MZT2B: variants seen among roughly 807,000 people sequenced by gnomAD.
The protein encoded by MZT2B is mitotic spindle organizing protein 2B.
A neutral mutation model predicts 12.1 loss-of-function variants in MZT2B; 11 were observed. The observed-to-expected ratio is 0.91, with a 90% confidence interval of 0.57 to 1.50. The LOEUF (loss-of-function observed/expected upper bound fraction) is 1.50. Ranked by LOEUF, MZT2B falls within the 40% of genes most tolerant of loss-of-function variation. The pLI, the probability that MZT2B is intolerant of heterozygous loss-of-function variation, is 0.00. For missense variants in MZT2B, 209 were observed against 227.7 expected (o/e 0.92, Z 0.53); for synonymous variants, 85 against 109.5 (o/e 0.78, Z 1.40).
At chr2:130,194,054 G>T (rs749780020), downstream of MZT2B, 39 of 1,614,214 alleles carry the variant, frequency 2.4e-5, no homozygotes, top group East Asian at 6.5e-4. Context: ...GTGGATGCGG[G>T]GGTACGGCAC....
chr2:130,182,588 G>C (rs779029916), intron 1 of MZT2B, 39 bp from the exon 2 acceptor site: 15 of 1,559,066 alleles, frequency 9.6e-6, no homozygotes, highest in Middle Eastern at 2.2e-4. Flanking sequence ...GCCGCGCCGG[G>C]CGGAGAGGGC....
Position 130,182,464 on chromosome 2 carries a change from G to A in MZT2B, c.170+12G>A. On this transcript the variant is annotated intron_variant, in intron 1 of 2. Transcript: ENST00000281871. The stretch of plus-strand genomic sequence containing the variant: ...CCCGACGTGTTCAAGTGAGCGGGGC[G>A]GGTGGGGGCCGCATGCTAGCCAGAC... 1 of 1,546,924 alleles carries A rather than the reference G, an allele frequency of 6.5e-7. No individual in the cohort carries two copies. The highest frequency in any genetic ancestry group is 8.7e-7 in the Non-Finnish European group (1 of 1,146,552).
downstream of MZT2B, among the ~76,000 whole-genome samples, chr2:130,194,734 G>C: frequency 6.6e-6 from 1 of 152,194 alleles, no homozygotes; most frequent in East Asian, 1.9e-4. Context: ...TTAGAGTGCA[G>C]TGGTGCAATC....
At chr2:130,193,525 C>G (rs62165072), downstream of MZT2B, among the ~76,000 whole-genome samples, 515 of 149,938 alleles carry the variant, frequency 3.4e-3, 19 homozygotes, top group East Asian at 0.086. Context: ...CAGAGAATTG[C>G]TTGAACCCGG....
chr2:130,184,646 G>C, intron 2 of MZT2B: 1 of 985,378 alleles, frequency 1.0e-6, no homozygotes, highest in Non-Finnish European at 1.2e-6. Flanking sequence ...CTGAGGGACA[G>C]GCCTGGAGTA....
At chr2:130,195,222 C>T (rs778282287), downstream of MZT2B, 8 of 1,613,878 alleles carry the variant, frequency 5.0e-6, no homozygotes, top group Admixed American at 3.3e-5. Context: ...CCTGTGCGCA[C>T]TTCATCTGCA....
the MZT2B span, among the ~76,000 whole-genome samples, chr2:130,197,603 G>A: frequency 7.9e-6 from 1 of 127,280 alleles, no homozygotes. Context: ...TTATGTTAAT[G>A]GGCTGCTTTT....
upstream of MZT2B, chr2:130,182,006 C>T (rs1392466223): frequency 3.6e-6 from 5 of 1,371,064 alleles, no homozygotes; most frequent in African/African-American, 1.5e-5. Flanking sequence ...GCGAGCACGA[C>T]CAATGCAGTC....
At chr2:130,193,103 A>C (rs1180150556), downstream of MZT2B, among the ~76,000 whole-genome samples, 1 of 151,572 alleles carries the variant, frequency 6.6e-6, no homozygotes, top group African/African-American at 2.4e-5. Context: ...AAAAAAAAAA[A>C]AATTACCCGG....
the MZT2B span, among the ~76,000 whole-genome samples, chr2:130,203,171 G>A: frequency 6.0e-5 from 9 of 151,108 alleles, no homozygotes; most frequent in Non-Finnish European, 1.3e-4. Context: ...GAAGTCCTTG[G>A]ACCTGTAGTT....
chr2:130,193,921 A>G (rs750377052), downstream of MZT2B: 64 of 1,614,096 alleles, frequency 4.0e-5, no homozygotes, highest in Non-Finnish European at 4.4e-5. Flanking sequence ...TGCCATGGCG[A>G]GGGTCACACT....
rs1043059 is a variant in MZT2B, at chr2:130,190,502, C to T, written c.353C>T (p.Ala118Val). The T allele has an allele frequency of 5.1e-5, 82 of 1,613,664 alleles. No homozygotes were observed. The highest frequency in any genetic ancestry group is 6.4e-5 in the Non-Finnish European group (75 of 1,179,954). ...RNKGSAALGG[A>V]LALAERSSRE... ...AAAGGCAGCGCTGCCCTCGGGGGAG[C>T]ATTGGCCCTGGCGGAACGCAGCAGC... Residue 118 changes from alanine (A) to valine (V), a missense_variant, in exon 3 of 3, where the codon GCA becomes GTA. Coordinates refer to ENST00000281871, the MANE Select transcript of MZT2B (RefSeq NM_025029.5).
At position 130,190,585 on chromosome 2, in the gene MZT2B, G is replaced by A. The variant is rs12408; in HGVS notation, c.436G>A (p.Gly146Arg). The change falls in exon 3 of 3, where the codon GGG becomes AGG. Residue 146 changes from glycine to arginine, a missense_variant. By Grantham distance (125) the Gly-to-Arg change is moderately radical. Coordinates refer to ENST00000281871, the MANE Select transcript of MZT2B (RefSeq NM_025029.5). ...GCCCAGCGCTACCAGGCTGCCCAAG[G>A]GGGGCGGGCCTGGGAAGAGCCCTAC... is the stretch of plus-strand genomic sequence containing the variant. ...RQPSATRLPK[G>R]GGPGKSPTRG... The A allele has an allele frequency of 6.2e-7, 1 of 1,613,322 alleles. No homozygotes were observed. Among genetic ancestry groups the A allele is most frequent in the Non-Finnish European group, 8.5e-7 (1 of 1,179,652 alleles).
intron 2 of MZT2B, chr2:130,184,674 G>A: frequency 2.0e-6 from 2 of 985,432 alleles, no homozygotes; most frequent in Non-Finnish European, 2.4e-6. Context: ...ATGCACTGCA[G>A]GCTGAGATGA....
At chr2:130,196,822 C>A in the MZT2B span, among the ~76,000 whole-genome samples, 1 of 152,176 alleles carries the variant, frequency 6.6e-6, no homozygotes, top group African/African-American at 2.4e-5. Context: ...CTCTCTCTGC[C>A]CCCCAGTTCT....
chr2:130,193,991 T>C, downstream of MZT2B: 1 of 1,614,102 alleles, frequency 6.2e-7, no homozygotes, highest in Non-Finnish European at 8.5e-7. Flanking sequence ...AGACAGCTGC[T>C]CGTGGTAGGC....
At chr2:130,194,391 A>C, downstream of MZT2B, 1 of 1,612,870 alleles carries the variant, frequency 6.2e-7, no homozygotes, top group African/African-American at 1.3e-5. Context: ...ATGAGCAGAG[A>C]TGCGAACCCA....
At chr2:130,197,430 G>A in the MZT2B span, among the ~76,000 whole-genome samples, 1 of 109,218 alleles carries the variant, frequency 9.2e-6, no homozygotes, top group South Asian at 3.2e-4. Flanking sequence ...AAGGCTGCAG[G>A]GAGCCGTGAT....
upstream of MZT2B, chr2:130,181,700 G>T (rs987926304): frequency 2.6e-6 from 4 of 1,548,526 alleles, no homozygotes; most frequent in East Asian, 9.8e-5. Flanking sequence ...AGCGAAGGCC[G>T]GCCGGGCGGG....
Sources: allele counts gnomAD v4.1 joint callset (sites outside exome capture counted in the v4.1 genomes callset), GRCh38; gene constraint gnomAD v4.1.1; transcripts MANE v1.5; gene names NCBI Gene and HGNC (gene_info 2026-07-23, HGNC 2026-07-21).